The following LSR variants were observed in gnomAD, a reference collection of about 807,000 sequenced individuals.
LSR encodes the protein lipolysis-stimulated lipoprotein receptor.
LSR carries 44 observed loss-of-function variants against 61.8 expected under a neutral mutation model. The observed-to-expected ratio is 0.71, with a 90% CI of 0.56 to 0.91. The LOEUF (loss-of-function observed/expected upper bound fraction) is 0.91. LSR is among the 40% of genes least tolerant of loss of function. The probability of loss-of-function intolerance (pLI) is 0.00; values close to 1 mark genes in which losing one functional copy is unlikely to be tolerated. For synonymous variants in LSR, 397 were observed against 350.6 expected (o/e 1.13, Z -1.48); for missense variants, 911 against 830.5 (o/e 1.10, Z -1.19).
intron 5 of LSR, among the ~76,000 whole-genome samples, chr19:35,266,135 CA>C (rs1287227867): frequency 6.6e-6 from 1 of 152,234 alleles, no homozygotes. Context: ...AAAAATCACA[CA>C]GGAAGTGGGG....
chr19:35,262,673 G>C lies in LSR; in HGVS notation c.759G>C (p.Lys253Asn), dbSNP rs764401117. ...CYVRCPCCPD[K>N]CCCPEALYAA... ...TCAGGTGCCCCTGCTGCCCAGACAA[G>C]TGCTGCTGCCCCGAGGCCCGTAAGT... Residue 253 changes from lysine to asparagine, a missense_variant, in exon 5 of 10, where the codon AAG becomes AAC. Coordinates refer to ENST00000605618, the MANE Select transcript of LSR (RefSeq NM_205834.4). 32 of 1,613,922 alleles carry C rather than the reference G, an allele frequency of 2.0e-5. No homozygotes were observed. The highest frequency in any genetic ancestry group is 2.7e-5 in the Non-Finnish European group (32 of 1,179,948).
At chr19:35,257,274 G>T (rs1159550265) in intron 2 of LSR, among the ~76,000 whole-genome samples, 1 of 152,194 alleles carries the variant, frequency 6.6e-6, no homozygotes, top group African/African-American at 2.4e-5. Flanking sequence ...CCTAAGCTGG[G>T]AGATAAGACT....
intron 6 of LSR, 68 bp downstream of exon 6, chr19:35,266,600 G>T: frequency 6.2e-7 from 1 of 1,601,808 alleles, no homozygotes; most frequent in Non-Finnish European, 8.5e-7. Flanking sequence ...AGGGGCAGGG[G>T]CTGGAAGGAA....
chr19:35,251,192 G>A (rs1286252256), intron 2 of LSR, among the ~76,000 whole-genome samples: 1 of 151,996 alleles, frequency 6.6e-6, no homozygotes, highest in Non-Finnish European at 1.5e-5. Context: ...TGCTGTTCTG[G>A]GCCCTGGGAA....
chr19:35,260,287 T>A (rs1354574315), intron 3 of LSR, among the ~76,000 whole-genome samples: 2 of 128,882 alleles, frequency 1.6e-5, no homozygotes, highest in Non-Finnish European at 3.3e-5. Flanking sequence ...ATGGGGAGAT[T>A]TTCCTTTTTT....
At chr19:35,261,599 G>C (rs1599602255) in intron 3 of LSR, among the ~76,000 whole-genome samples, 1 of 152,216 alleles carries the variant, frequency 6.6e-6, no homozygotes, top group Non-Finnish European at 1.5e-5. Flanking sequence ...TATCACCGTG[G>C]TTGGAGCCCT....
intron 5 of LSR, among the ~76,000 whole-genome samples, chr19:35,265,168 G>C (rs1040711549): frequency 6.6e-6 from 1 of 152,160 alleles, no homozygotes; most frequent in Non-Finnish European, 1.5e-5. Flanking sequence ...GTTGTGTTCA[G>C]CTGACAGCTT....
intron 2 of LSR, among the ~76,000 whole-genome samples, chr19:35,254,898 C>T (rs924317257): frequency 2.0e-5 from 3 of 152,196 alleles, no homozygotes; most frequent in Non-Finnish European, 4.4e-5. Context: ...AAACAAAACA[C>T]AGTGAGGTCC....
intron 1 of LSR, among the ~76,000 whole-genome samples, chr19:35,249,657 G>A (rs943776253): frequency 1.3e-5 from 2 of 152,176 alleles, no homozygotes; most frequent in Admixed American, 6.5e-5. Context: ...GTAAGAGTCT[G>A]GTGGGATGGA....
intron 5 of LSR, among the ~76,000 whole-genome samples, chr19:35,266,007 G>A (rs1375932145): frequency 6.6e-6 from 1 of 152,206 alleles, no homozygotes; most frequent in Admixed American, 6.5e-5. Context: ...TAAGTTAGCT[G>A]GGGAGTTGGA....
intron 3 of LSR, among the ~76,000 whole-genome samples, chr19:35,259,713 CCA>C (rs1249521667): frequency 1.3e-5 from 2 of 152,170 alleles, no homozygotes; most frequent in East Asian, 3.9e-4. Context: ...CAAAATCGAC[CCA>C]CCTCTTGCTA....
chr19:35,266,907 A>G lies in LSR; in HGVS notation c.1084A>G (p.Lys362Glu), dbSNP rs367605479. The G allele has an allele frequency of 1.2e-5, 20 of 1,613,618 alleles. No homozygotes were observed. The African/African-American group carries it at 2.4e-4, about 19-fold the overall frequency. Residue 362 changes from lysine (K) to glutamate (E), a missense_variant, in exon 8 of 10, where the codon AAG becomes GAG. Physicochemically the swap from Lys to Glu is moderately conservative, Grantham distance 56. Coordinates refer to ENST00000605618, the MANE Select transcript of LSR (RefSeq NM_205834.4). ...CATGCGGGTCCTGTACTACATGGAG[A>G]AGGAGCTGGCCAACTTCGACCCTTC... ...DSMRVLYYMEKELANFDPSRP... is the reference protein window; with the variant it reads ...DSMRVLYYMEEELANFDPSRP...
chr19:35,260,418 G>T (rs2519960), intron 3 of LSR, among the ~76,000 whole-genome samples: 1 of 150,494 alleles, frequency 6.6e-6, no homozygotes. Flanking sequence ...CAGCCTCCCA[G>T]GTAGCTGGGA....
chr19:35,260,474 T>C (rs1411448786), intron 3 of LSR, among the ~76,000 whole-genome samples: 2 of 151,924 alleles, frequency 1.3e-5, no homozygotes, highest in African/African-American at 4.8e-5. Flanking sequence ...TTTGTATTTT[T>C]AGTAGAGACT....
rs115360942 is a variant in LSR at position 35,257,644 on chromosome 19, G to C, written c.455-1301G>C. Among the ~76,000 whole-genome samples, 1,499 of 152,258 alleles carry C rather than the reference G, an allele frequency of 9.8e-3. 24 individuals are homozygous for C. Among genetic ancestry groups the C allele is most frequent in the African/African-American group, 0.035 (1,436 of 41,534 alleles). ...CTTGGGAAGGTGGCAGGCAGGTCAG[G>C]CTAGGAGGAAAGAGGCCGGGAAGCT... On this transcript the variant is annotated intron_variant, in intron 2 of 9. Coordinates refer to ENST00000605618, the MANE Select transcript of LSR (RefSeq NM_205834.4).
chr19:35,267,861 C>T lies in LSR; in HGVS notation c.*2C>T. On this transcript the variant is annotated 3_prime_UTR_variant, in exon 10 of 10. Coordinates refer to ENST00000605618, the MANE Select transcript of LSR (RefSeq NM_205834.4). ...AGTCGGGAAAGTTTAGTCGTCTGATCTGACGTTTTCTACGTAGCTTTTGTA... is the reference window on the plus strand; with the variant it reads ...AGTCGGGAAAGTTTAGTCGTCTGATTTGACGTTTTCTACGTAGCTTTTGTA... The T allele has an allele frequency of 6.2e-7, 1 of 1,613,920 alleles. No homozygotes were observed. Among genetic ancestry groups the T allele is most frequent in the Non-Finnish European group, 8.5e-7 (1 of 1,179,892 alleles).
chr19:35,257,562 C>G (rs2065871355), intron 2 of LSR, among the ~76,000 whole-genome samples: 3 of 152,144 alleles, frequency 2.0e-5, no homozygotes, highest in Admixed American at 2.0e-4. Flanking sequence ...GTGCTGTGGA[C>G]TGCAGCACGC....
intron 3 of LSR, among the ~76,000 whole-genome samples, chr19:35,261,348 A>G (rs796415691): frequency 1.8e-4 from 27 of 152,324 alleles, no homozygotes; most frequent in African/African-American, 6.5e-4. Flanking sequence ...ATTCCTGTAT[A>G]TTGTGTTAAT....
intron 3 of LSR, among the ~76,000 whole-genome samples, chr19:35,261,460 T>A (rs1238124141): frequency 6.6e-6 from 1 of 152,090 alleles, no homozygotes; most frequent in African/African-American, 2.4e-5. Context: ...GGTGGGAGGA[T>A]CGCCTGAGCC....
Sources: gnomAD v4.1 joint callset for allele counts (sites outside exome capture counted in the v4.1 genomes callset) on GRCh38, gnomAD v4.1.1 for gene constraint, MANE v1.5 for transcripts, NCBI Gene and HGNC (gene_info 2026-07-23, HGNC 2026-07-21) for gene names.